UNC13A: variants seen among roughly 807,000 people sequenced by gnomAD.
The protein encoded by UNC13A is protein unc-13 homolog A.
A neutral mutation model predicts 219.7 loss-of-function variants in UNC13A; 61 were observed. That is an observed-to-expected ratio of 0.28 (90% confidence interval 0.23 to 0.34). UNC13A has a LOEUF of 0.34. Among genes scored for constraint, UNC13A ranks in the 10% least tolerant of loss-of-function variants. The pLI is 1.00. For synonymous variants in UNC13A, 920 were observed against 884.6 expected, an observed-to-expected ratio of 1.04 and a Z score of -0.71; for missense variants, 1,476 against 2,270.3, an observed-to-expected ratio of 0.65 and a Z score of 7.11.
rs760246904 is a variant in UNC13A at position 17,649,495 on chromosome 19, G to A, written c.1518+14C>T. ...GCCTGCTCTGCTCAGGGAGTAAAGG[G>A]CGAGGGTGCTTACCAAGTCGCTCAC... On this transcript the variant is annotated intron_variant, in intron 13 of 43. Transcript: ENST00000519716. The surrounding 1 kb of genome is among the most constrained non-coding windows in gnomAD (Gnocchi z 4.4). 1 of 1,613,916 alleles carries A rather than the reference G, an allele frequency of 6.2e-7. No individual in the cohort carries two copies. Among genetic ancestry groups the A allele is most frequent in the Non-Finnish European group, 8.5e-7 (1 of 1,179,882 alleles).
At chr19:17,672,522 AG>A (rs1248792442) in intron 3 of UNC13A, 27 bp from the exon 4 acceptor site, 1 of 1,587,986 alleles carries the variant, frequency 6.3e-7, no homozygotes, top group Non-Finnish European at 8.6e-7. Context: ...GGGGGCGTCG[AG>A]GGAGCAGGAG....
rs928500359 is a variant in UNC13A at position 17,619,084 on chromosome 19, C to T, written c.4273-122G>A. On this transcript the variant is annotated intron_variant, in intron 38 of 43. Coordinates refer to ENST00000519716, the MANE Select transcript of UNC13A (RefSeq NM_001080421.3). ...CAGGGCAATAATTGTGTCCCAGGGA[C>T]AGAGGTCTGGAATTCCCCAGGAAGA... The T allele has an allele frequency of 1.7e-5, 15 of 897,146 alleles. No individual in the cohort carries two copies. The South Asian group carries it at 1.7e-4, about 10-fold the overall frequency. 55.6% of individuals were successfully genotyped at this position (897,146 alleles called of 1,614,324 possible).
rs2076875218 is a variant in UNC13A at position 17,633,141 on chromosome 19, G to A, written c.3268C>T (p.Leu1090=). Residue 1090 remains leucine (L), a synonymous_variant, in exon 27 of 44, where the codon CTG becomes TTG. Coordinates refer to ENST00000519716, the MANE Select transcript of UNC13A (RefSeq NM_001080421.3). ...GKISAEVMWN[L]FAQDMKYAME... ...GCGTACTTCATGTCTTGGGCAAACA[G>A]ATTCCACATCACTTCAGCGCTGATT... 6.2e-7 allele frequency: 1 copy of A among 1,614,070 alleles called. No individual in the cohort carries two copies. Among genetic ancestry groups the A allele is most frequent in the Non-Finnish European group, 8.5e-7 (1 of 1,180,040 alleles).
intron 10 of UNC13A, 77 bp from the exon 11 acceptor site, chr19:17,655,459 A>ATCACTTGCACAGCTGG: frequency 3.5e-6 from 4 of 1,156,682 alleles, no homozygotes; most frequent in South Asian, 1.3e-5. Flanking sequence ...CCAGCTGTGC[A>ATCACTTGCACAGCTGG]AGTGATGCAT....
At chr19:17,669,737 C>A in intron 4 of UNC13A, 61 bp from the exon 5 acceptor site, 1 of 1,532,830 alleles carries the variant, frequency 6.5e-7, no homozygotes, top group East Asian at 2.4e-5. Context: ...TCCCCAGGGC[C>A]CCTACTCTCG....
chr19:17,645,941 T>C, intron 18 of UNC13A, 29 bp downstream of exon 18: 1 of 1,607,790 alleles, frequency 6.2e-7, no homozygotes, highest in Non-Finnish European at 8.5e-7. Context: ...ATGCCCCACA[T>C]GGGGCCAGGG....
chr19:17,655,467 C>T, intron 10 of UNC13A, 85 bp from the exon 11 acceptor site: 2 of 1,056,984 alleles, frequency 1.9e-6, no homozygotes, highest in Non-Finnish European at 2.8e-6. Flanking sequence ...GCAAGTGATG[C>T]ATAGCTCCCC....
At chr19:17,653,556 C>T (rs1408689445) in intron 11 of UNC13A, among the ~76,000 whole-genome samples, 1 of 152,008 alleles carries the variant, frequency 6.6e-6, no homozygotes, top group African/African-American at 2.4e-5. Flanking sequence ...ACTATGTTGG[C>T]CAGGCTGGTC....
chr19:17,672,040 A>G lies in UNC13A; in HGVS notation c.270+338T>C, dbSNP rs542326375. ...TACATTTCCCAGAATCCCTTGCAGC[A>G]AGGTGTTGGCCACATGTCTAAGTTC... On this transcript the variant is annotated intron_variant, in intron 4 of 43. Coordinates refer to ENST00000519716, the MANE Select transcript of UNC13A (RefSeq NM_001080421.3). Among the ~76,000 whole-genome samples the G allele has an allele frequency of 5.9e-5, 9 of 152,274 alleles. No homozygotes were observed. The South Asian group carries it at 1.9e-3, about 32-fold the overall frequency.
At chr19:17,639,701 A>G in intron 23 of UNC13A, 139 bp downstream of exon 23, 2 of 1,153,454 alleles carry the variant, frequency 1.7e-6, no homozygotes, top group Non-Finnish European at 2.5e-6. Flanking sequence ...GGTAGTGCCC[A>G]TGCAGGTGCA....
At position 17,673,554 on chromosome 19, in the gene UNC13A, A is replaced by T. The variant is rs7258768; in HGVS notation, c.153-1059T>A. Among the ~76,000 whole-genome samples the T allele has an allele frequency of 7.1e-3, 984 of 139,346 alleles. 10 individuals carry two copies. Among genetic ancestry groups the T allele is most frequent in the African/African-American group, 0.025 (943 of 37,334 alleles). 91.4% of individuals were successfully genotyped at this position (139,346 alleles called of 152,430 possible). On this transcript the variant is annotated intron_variant, in intron 3 of 43. Coordinates refer to ENST00000519716, the MANE Select transcript of UNC13A (RefSeq NM_001080421.3). ...CTAAATACACAAAAATTAGCCGGGC[A>T]TGGTGGCACGCACATGTAGTCCCAG...
chr19:17,611,707 T>G, intron 42 of UNC13A, 56 bp downstream of exon 42: 66 of 1,500,460 alleles, frequency 4.4e-5, no homozygotes, highest in Non-Finnish European at 5.6e-5. Flanking sequence ...TAAGCCAGTT[T>G]GAGTTTGGTT....
intron 1 of UNC13A, among the ~76,000 whole-genome samples, chr19:17,686,310 C>G (rs1372395852): frequency 4.5e-5 from 5 of 112,108 alleles, no homozygotes; most frequent in African/African-American, 1.8e-4. Context: ...CCCCCCCCCC[C>G]CCCCCCCACT....
intron 17 of UNC13A, among the ~76,000 whole-genome samples, chr19:17,646,434 T>G (rs1442497204): frequency 6.6e-6 from 1 of 152,000 alleles, no homozygotes; most frequent in Non-Finnish European, 1.5e-5. Flanking sequence ...TTTTGCATTT[T>G]TAGTAGAGAT....
intron 8 of UNC13A, among the ~76,000 whole-genome samples, chr19:17,660,523 G>T (rs8108473): frequency 0.75 from 111,840 of 148,548 alleles, 42,713 homozygotes; most frequent in African/African-American, 0.83. Flanking sequence ...TTGTTTGTTT[G>T]TTGGTTTTTG....
intron 10 of UNC13A, among the ~76,000 whole-genome samples, 190 bp downstream of exon 10, chr19:17,655,693 C>T (rs185328281): frequency 6.6e-6 from 1 of 152,112 alleles, no homozygotes; most frequent in African/African-American, 2.4e-5. Flanking sequence ...TCTAAGTCTC[C>T]TTCACGGCCC....
At chr19:17,632,543 T>C (rs940275178) in intron 28 of UNC13A, among the ~76,000 whole-genome samples, 6 of 152,220 alleles carry the variant, frequency 3.9e-5, no homozygotes, top group African/African-American at 2.4e-5. Context: ...CCTTAACTCA[T>C]AGAATTGTCA....
intron 8 of UNC13A, 36 bp from the exon 9 acceptor site, chr19:17,658,305 AAG>A: frequency 6.3e-7 from 1 of 1,579,860 alleles, no homozygotes; most frequent in Non-Finnish European, 8.6e-7. Context: ...GAGGGTGAGG[AAG>A]AGAGAGTGCA....
At chr19:17,610,267 A>C (rs2076588066) in intron 42 of UNC13A, among the ~76,000 whole-genome samples, 168 bp from the exon 43 acceptor site, 1 of 152,118 alleles carries the variant, frequency 6.6e-6, no homozygotes, top group South Asian at 2.1e-4. Context: ...GGAGTTTGAG[A>C]CCAGCCTGGG....
Sources: allele counts gnomAD v4.1 joint callset (sites outside exome capture counted in the v4.1 genomes callset), GRCh38; gene constraint gnomAD v4.1.1; non-coding constraint Gnocchi (gnomAD v3.1); transcripts MANE v1.5; gene names NCBI Gene and HGNC (gene_info 2026-07-23, HGNC 2026-07-21).